Variants in KCNB2 observed in about 807,000 individuals in gnomAD.
KCNB2 encodes the protein delayed rectifier potassium channel protein.
Under a neutral mutation model 61.5 loss-of-function variants are expected in KCNB2, and 15 were observed. The ratio of observed to expected loss-of-function variants is 0.24; its 90% CI spans 0.16 to 0.38. KCNB2 has a LOEUF of 0.38. Ranked by LOEUF, KCNB2 falls within the 10% of genes least tolerant of loss-of-function variation. The probability of loss-of-function intolerance (pLI) is 1.00; values close to 1 mark genes in which losing one functional copy is unlikely to be tolerated. For synonymous variants in KCNB2, 457 were observed against 446.0 expected (o/e 1.02, Z -0.31); for missense variants, 828 against 1,125.2 (o/e 0.74, Z 3.78).
At chr8:72,784,256 C>T (rs1808812007) in intron 2 of KCNB2, among the ~76,000 whole-genome samples, 1 of 152,114 alleles carries the variant, frequency 6.6e-6, no homozygotes, top group African/African-American at 2.4e-5. Flanking sequence ...TCCCCAACCA[C>T]CACCCACAAC....
intron 2 of KCNB2, among the ~76,000 whole-genome samples, chr8:72,870,895 T>G (rs1412587203): frequency 6.6e-6 from 1 of 152,220 alleles, no homozygotes; most frequent in Non-Finnish European, 1.5e-5. Flanking sequence ...GAGGATCACT[T>G]GAGCCTGGAA....
In KCNB2 at chr8:72,935,977, A is replaced by G; in HGVS notation, c.622A>G (p.Ile208Val). The change falls in exon 3 of 3, where the codon ATT (isoleucine) becomes GTT (valine). Residue 208 changes from isoleucine (I) to valine (V), a missense_variant. Physicochemically the swap from Ile to Val is conservative, Grantham distance 29 (BLOSUM62 3). Transcript: ENST00000523207. ...VSILFIVLST[I>V]ALSLNTLPEL... ...TATCCTGTTCATTGTGCTTTCCACC[A>G]TTGCTTTGTCTCTCAATACGCTGCC... The G allele has an allele frequency of 6.2e-7, 1 of 1,614,094 alleles. No homozygotes were observed. The highest frequency in any genetic ancestry group is 8.5e-7 in the Non-Finnish European group (1 of 1,180,008).
intron 2 of KCNB2, among the ~76,000 whole-genome samples, chr8:72,625,516 G>A (rs140590162): frequency 6.6e-6 from 1 of 152,042 alleles, no homozygotes; most frequent in Non-Finnish European, 1.5e-5. Context: ...CAGCAGCCTT[G>A]ACCTCCTGGG....
chr8:72,672,158 G>A (rs17763514), intron 2 of KCNB2, among the ~76,000 whole-genome samples: 18,758 of 152,110 alleles, frequency 0.12, 1,515 homozygotes, highest in Non-Finnish European at 0.17. Flanking sequence ...AATATCTAAA[G>A]GTGGCTAGAT....
At chr8:72,771,631 A>T (rs1420396959) in intron 2 of KCNB2, among the ~76,000 whole-genome samples, 1 of 152,072 alleles carries the variant, frequency 6.6e-6, no homozygotes, top group Non-Finnish European at 1.5e-5. Flanking sequence ...AGTCTCATTG[A>T]GTAGGTGACA....
chr8:72,648,819 T>C (rs931120847), intron 2 of KCNB2, among the ~76,000 whole-genome samples: 1 of 152,128 alleles, frequency 6.6e-6, no homozygotes, highest in Non-Finnish European at 1.5e-5. Flanking sequence ...AAATAGCTTT[T>C]ATAAACAGAT....
At chr8:72,597,059 C>CTGT (rs1330672282) in intron 2 of KCNB2, among the ~76,000 whole-genome samples, 29 of 102,734 alleles carry the variant, frequency 2.8e-4, no homozygotes, top group African/African-American at 1.1e-3. Flanking sequence ...GACTCTCATT[C>CTGT]TGTCACCAGG....
intron 2 of KCNB2, among the ~76,000 whole-genome samples, chr8:72,658,336 C>G (rs1806324264): frequency 6.6e-6 from 1 of 152,188 alleles, no homozygotes; most frequent in Non-Finnish European, 1.5e-5. Flanking sequence ...CACAACATTT[C>G]CTTATGCTAA....
intron 2 of KCNB2, among the ~76,000 whole-genome samples, chr8:72,839,545 G>A (rs1563400425): frequency 1.3e-5 from 2 of 151,052 alleles, no homozygotes; most frequent in African/African-American, 2.4e-5. Context: ...TCCAGCGGGG[G>A]AAGGCTAGAA....
chr8:72,840,609 G>T (rs1391524733), intron 2 of KCNB2, among the ~76,000 whole-genome samples: 1 of 152,200 alleles, frequency 6.6e-6, no homozygotes, highest in Non-Finnish European at 1.5e-5. Flanking sequence ...TCTAACTGGT[G>T]TGAGATGGTA....
intron 2 of KCNB2, among the ~76,000 whole-genome samples, chr8:72,697,784 C>G (rs1337993181): frequency 1.3e-5 from 2 of 152,082 alleles, no homozygotes; most frequent in Non-Finnish European, 2.9e-5. Flanking sequence ...TTTTTTCTAA[C>G]ATGAAGCAGC....
chr8:72,905,834 C>T (rs377328631), intron 2 of KCNB2, among the ~76,000 whole-genome samples: 57 of 151,976 alleles, frequency 3.8e-4, no homozygotes, highest in African/African-American at 1.3e-3. Context: ...ATGCAGTAGA[C>T]CATGCTTACC....
At chr8:72,631,027 A>G (rs1340736942) in intron 2 of KCNB2, among the ~76,000 whole-genome samples, 3 of 152,196 alleles carry the variant, frequency 2.0e-5, no homozygotes, top group Admixed American at 6.5e-5. Context: ...ATACATACCT[A>G]TGATAAAGTT....
chr8:72,924,927 C>T (rs549541486), intron 2 of KCNB2, among the ~76,000 whole-genome samples: 2 of 152,330 alleles, frequency 1.3e-5, no homozygotes, highest in East Asian at 1.9e-4. Flanking sequence ...AAGCTCTCTG[C>T]AGTCACGGCT....
intron 2 of KCNB2, among the ~76,000 whole-genome samples, chr8:72,697,761 T>TA (rs755586607): frequency 2.0e-5 from 3 of 152,124 alleles, no homozygotes; most frequent in Admixed American, 1.3e-4. Flanking sequence ...TTATTCTCAT[T>TA]AAAAAAATGA....
In KCNB2 at chr8:72,834,089, AAATT is replaced by A. The variant is rs148391866; in HGVS notation, c.580-101840_580-101837del. On this transcript the variant is annotated intron_variant, in intron 2 of 2. Transcript: ENST00000523207. ...AATATATTCATTCTGTTTTTCACAT[AAATT>A]AATTATTTCTAATTATCTACTTATT... Among the ~76,000 whole-genome samples the A allele has an allele frequency of 3.0e-3, 461 of 152,316 alleles. 4 individuals are homozygous for A. Among genetic ancestry groups the A allele is most frequent in the African/African-American group, 0.01 (430 of 41,554 alleles).
At chr8:72,910,519 G>A (rs1158065483) in intron 2 of KCNB2, among the ~76,000 whole-genome samples, 4 of 152,164 alleles carry the variant, frequency 2.6e-5, no homozygotes, top group Non-Finnish European at 5.9e-5. Flanking sequence ...AAGGTAAGAG[G>A]AAAATGAAGA....
intron 2 of KCNB2, among the ~76,000 whole-genome samples, chr8:72,698,268 CCACA>C (rs71267909): frequency 6.0e-5 from 9 of 150,824 alleles, no homozygotes; most frequent in African/African-American, 1.2e-4. Flanking sequence ...TTTGTAATAG[CCACA>C]CACACACACA....
chr8:72,559,842 C>T (rs1380982257), intron 1 of KCNB2, among the ~76,000 whole-genome samples: 2 of 152,166 alleles, frequency 1.3e-5, no homozygotes, highest in Non-Finnish European at 2.9e-5. Flanking sequence ...TGGAAAGAGA[C>T]TTGTGTATAG....
Sources: gnomAD v4.1 joint callset for allele counts (sites outside exome capture counted in the v4.1 genomes callset) on GRCh38, gnomAD v4.1.1 for gene constraint, MANE v1.5 for transcripts, NCBI Gene and HGNC (gene_info 2026-07-23, HGNC 2026-07-21) for gene names.